SLC8A1: variants seen among roughly 807,000 people sequenced by gnomAD.
The protein encoded by SLC8A1 is sodium/calcium exchanger 1.
A neutral mutation model predicts 68.3 loss-of-function variants in SLC8A1; 18 were observed. The observed-to-expected ratio is 0.26, with a 90% confidence interval of 0.18 to 0.39. The LOEUF (loss-of-function observed/expected upper bound fraction) is 0.39, where lower values mean the gene tolerates loss of function less well. SLC8A1 is among the 10% of genes least tolerant of loss of function. SLC8A1 has a pLI of 1.00. For synonymous variants in SLC8A1, 475 were observed against 415.5 expected (o/e 1.14, Z -1.74); for missense variants, 985 against 1,156.7 (o/e 0.85, Z 2.15).
rs145497549 is a variant in SLC8A1, at chr2:40,361,584, G to T, written c.1808+66889C>A. Reference sequence around the variant, plus strand: ...TGGTGCCCCATCAAGACAATCTGAAGTGCAATCAAGAACTCATTATGAGGT... The same window carrying T: ...TGGTGCCCCATCAAGACAATCTGAATTGCAATCAAGAACTCATTATGAGGT... On this transcript the variant is annotated intron_variant, in intron 2 of 7. Coordinates refer to ENST00000406785, the Ensembl canonical transcript of SLC8A1. 1.3e-4 allele frequency among the ~76,000 whole-genome samples: 19 copies of T among 151,868 alleles called. No homozygotes were observed. In the East Asian group the frequency reaches 3.7e-3, roughly 30 times the overall value.
chr2:40,264,452 A>G (rs1335474705), intron 2 of SLC8A1, among the ~76,000 whole-genome samples: 1 of 152,130 alleles, frequency 6.6e-6, no homozygotes, highest in Non-Finnish European at 1.5e-5. Context: ...AACCAACCCA[A>G]ATGTCCAACA....
At chr2:40,425,936 T>A (rs867412245) in intron 2 of SLC8A1, among the ~76,000 whole-genome samples, 1 of 152,022 alleles carries the variant, frequency 6.6e-6, no homozygotes, top group South Asian at 2.1e-4. Context: ...TGTATGTTCA[T>A]TGCAGCACTA....
At chr2:40,446,783 G>C (rs2149852358) in intron 1 of SLC8A1, 1 of 152,294 alleles carries the variant, frequency 6.6e-6, no homozygotes, top group East Asian at 1.9e-4. Context: ...ATGCTTCCTT[G>C]TCCTGCAGAA....
At chr2:40,448,243 G>A (rs1370405816) in intron 1 of SLC8A1, among the ~76,000 whole-genome samples, 1 of 152,136 alleles carries the variant, frequency 6.6e-6, no homozygotes, top group Non-Finnish European at 1.5e-5. Context: ...TGTGCATGGA[G>A]GACTGGGGAT....
At chr2:40,407,061 G>A (rs996936467) in intron 2 of SLC8A1, among the ~76,000 whole-genome samples, 1 of 152,004 alleles carries the variant, frequency 6.6e-6, no homozygotes, top group Admixed American at 6.6e-5. Context: ...ATGTCACTCA[G>A]CAGATTTGTG....
chr2:40,160,740 A>C lies in SLC8A1; in HGVS notation c.2161+25T>G, dbSNP rs765153408. 5.0e-6 allele frequency: 8 copies of C among 1,599,984 alleles called. No homozygotes were observed. The African/African-American group carries it at 6.7e-5, about 13-fold the overall frequency. Reference sequence around the variant, plus strand: ...AGCTCAGATTGGGCAATTTTAATTTATAATATGCAGAGAAAGGCACTCACC... The same window carrying C: ...AGCTCAGATTGGGCAATTTTAATTTCTAATATGCAGAGAAAGGCACTCACC... On this transcript the variant is annotated intron_variant, in intron 6 of 7. Coordinates refer to ENST00000406785, the Ensembl canonical transcript of SLC8A1.
At chr2:40,357,767 G>C (rs1048724134) in intron 2 of SLC8A1, among the ~76,000 whole-genome samples, 1 of 152,000 alleles carries the variant, frequency 6.6e-6, no homozygotes, top group Non-Finnish European at 1.5e-5. Context: ...CTAATCAAAT[G>C]GATTAAAAGC....
chr2:40,227,039 G>C (rs571676131), intron 2 of SLC8A1, among the ~76,000 whole-genome samples: 1 of 152,014 alleles, frequency 6.6e-6, no homozygotes, highest in Non-Finnish European at 1.5e-5. Flanking sequence ...TTTAAATGGG[G>C]TAGTGGACAG....
chr2:40,180,723 T>A (rs1029953547), intron 2 of SLC8A1, among the ~76,000 whole-genome samples: 1 of 152,188 alleles, frequency 6.6e-6, no homozygotes, highest in Non-Finnish European at 1.5e-5. Flanking sequence ...TATTTCTCCA[T>A]CTTGTATTTG....
chr2:40,505,604 C>G (rs1474223424), intron 1 of SLC8A1, among the ~76,000 whole-genome samples: 1 of 151,924 alleles, frequency 6.6e-6, no homozygotes, highest in Non-Finnish European at 1.5e-5. Context: ...TACACACCTA[C>G]AAATACTCAA....
chr2:40,156,162 G>A (rs2044434031), intron 6 of SLC8A1, among the ~76,000 whole-genome samples: 1 of 152,228 alleles, frequency 6.6e-6, no homozygotes, highest in African/African-American at 2.4e-5. Flanking sequence ...AACGGGCCAT[G>A]AAGCAAAATC....
intron 2 of SLC8A1, among the ~76,000 whole-genome samples, chr2:40,186,175 G>C (rs2050666183): frequency 6.6e-6 from 1 of 152,194 alleles, no homozygotes; most frequent in Non-Finnish European, 1.5e-5. Flanking sequence ...TACTATAAAA[G>C]CAAAGGAAAT....
At position 40,268,668 on chromosome 2, in the gene SLC8A1, G is replaced by C. The variant is rs369741980; in HGVS notation, c.1809-90813C>G. Reference sequence around the variant, plus strand: ...GTATAAGGGCAGAAAATAGGTCACAGTTGGTAGGCTACTTTCTGGGAATTA... The same window carrying C: ...GTATAAGGGCAGAAAATAGGTCACACTTGGTAGGCTACTTTCTGGGAATTA... On this transcript the variant is annotated intron_variant, in intron 2 of 7. Transcript: ENST00000406785. Among the ~76,000 whole-genome samples, 158 of 152,270 alleles carry C rather than the reference G, an allele frequency of 1.0e-3. 2 individuals carry two copies. Among genetic ancestry groups the C allele is most frequent in the African/African-American group, 3.7e-3 (154 of 41,562 alleles).
intron 6 of SLC8A1, among the ~76,000 whole-genome samples, chr2:40,155,927 T>C (rs2044389086): frequency 6.6e-6 from 1 of 152,176 alleles, no homozygotes; most frequent in South Asian, 2.1e-4. Context: ...TCCCTTGTAC[T>C]GTAGAAGATT....
chr2:40,351,888 C>T (rs377127543), intron 2 of SLC8A1, among the ~76,000 whole-genome samples: 15 of 152,090 alleles, frequency 9.9e-5, no homozygotes, highest in South Asian at 2.1e-4. Context: ...AGGTGATGTA[C>T]GACAATTTCA....
chr2:40,419,167 G>C (rs995500249), intron 2 of SLC8A1, among the ~76,000 whole-genome samples: 4 of 152,200 alleles, frequency 2.6e-5, no homozygotes, highest in Admixed American at 6.5e-5. Context: ...TGGGATTGAT[G>C]CTCATAGAAT....
intron 2 of SLC8A1, among the ~76,000 whole-genome samples, chr2:40,232,668 T>A (rs1440121303): frequency 7.0e-6 from 1 of 143,542 alleles, no homozygotes; most frequent in Admixed American, 7.1e-5. Context: ...GTTACATACG[T>A]ATACATGTGC....
intron 2 of SLC8A1, among the ~76,000 whole-genome samples, chr2:40,307,144 T>TACAC (rs753955915): frequency 1.1e-4 from 11 of 101,130 alleles, no homozygotes; most frequent in African/African-American, 1.7e-4. Flanking sequence ...GAAAATGTGA[T>TACAC]ATACACACAC....
intron 6 of SLC8A1, among the ~76,000 whole-genome samples, chr2:40,145,972 T>G (rs1472476177): frequency 6.6e-6 from 1 of 152,198 alleles, no homozygotes; most frequent in African/African-American, 2.4e-5. Flanking sequence ...GATCTCTCTT[T>G]TTTTTGTATT....
Sources: allele counts gnomAD v4.1 joint callset (sites outside exome capture counted in the v4.1 genomes callset), GRCh38; gene constraint gnomAD v4.1.1; transcripts MANE v1.5; gene names NCBI Gene and HGNC (gene_info 2026-07-23, HGNC 2026-07-21).